PTK2B: variants seen among roughly 807,000 people sequenced by gnomAD.
PTK2B encodes the protein protein-tyrosine kinase 2-beta.
PTK2B carries 71 observed loss-of-function variants against 142.9 expected under a neutral mutation model. That is an observed-to-expected ratio of 0.50 (90% CI 0.41 to 0.61). The LOEUF is 0.61. PTK2B is among the 20% of genes least tolerant of loss of function. PTK2B has a pLI of 0.00. For missense variants in PTK2B, 1,105 were observed against 1,320.4 expected (o/e 0.84, Z 2.53); for synonymous variants, 519 against 503.4 (o/e 1.03, Z -0.42).
intron 1 of PTK2B, among the ~76,000 whole-genome samples, chr8:27,388,216 A>G (rs765280445): frequency 1.1e-4 from 17 of 152,194 alleles, no homozygotes; most frequent in African/African-American, 3.1e-4. Context: ...CATGGTACCA[A>G]ATTTCTCCGC....
Position 27,433,490 on chromosome 8 carries a change from T to C in PTK2B, c.1043T>C (p.Ile348Thr). 1 of 1,614,220 alleles carries C rather than the reference T, an allele frequency of 6.2e-7. No homozygotes were observed. The highest frequency in any genetic ancestry group is 8.5e-7 in the Non-Finnish European group (1 of 1,180,030). ...GAGGCTGAGAACATGGCTGACCTCA[T>C]AGACGGCTACTGCCGGCTGCAGGGT... is the stretch of plus-strand genomic sequence containing the variant. ...LAEAENMADL[I>T]DGYCRLQGEH... The change falls in exon 11 of 31, where the codon ATA becomes ACA. Residue 348 changes from isoleucine (I) to threonine (T), a missense_variant. Ile to Thr is a moderately conservative substitution (Grantham distance 89). Transcript: ENST00000346049.
At position 27,440,391 on chromosome 8, in the gene PTK2B, C is replaced by G; in HGVS notation, c.1989C>G (p.Asp663Glu). 1 of 1,614,202 alleles carries G rather than the reference C, an allele frequency of 6.2e-7. No individual in the cohort carries two copies. Among genetic ancestry groups the G allele is most frequent in the East Asian group, 2.2e-5 (1 of 44,882 alleles). Residue 663 changes from aspartate (D) to glutamate (E), a missense_variant, in exon 21 of 31, where the codon GAC becomes GAG. Coordinates refer to ENST00000346049, the MANE Select transcript of PTK2B (RefSeq NM_173176.3). ...VLYTLMTRCW[D>E]YDPSDRPRFT... ...ATACCCTCATGACCCGCTGCTGGGA[C>G]TACGACCCCAGTGACCGGCCCCGCT...
chr8:27,344,677 C>A (rs1586123564), intron 1 of PTK2B, among the ~76,000 whole-genome samples: 1 of 152,250 alleles, frequency 6.6e-6, no homozygotes, highest in East Asian at 1.9e-4. Flanking sequence ...AGCCCCTCAG[C>A]CTGGGGCTAT....
intron 24 of PTK2B, among the ~76,000 whole-genome samples, chr8:27,446,992 C>CTA (rs1180447142): frequency 6.6e-6 from 1 of 152,180 alleles, no homozygotes; most frequent in Non-Finnish European, 1.5e-5. Flanking sequence ...TAGGCATGTG[C>CTA]TATAATTTAG....
chr8:27,425,281 T>C (rs778925261), intron 5 of PTK2B, among the ~76,000 whole-genome samples: 3 of 151,896 alleles, frequency 2.0e-5, no homozygotes, highest in Non-Finnish European at 4.4e-5. Flanking sequence ...TATTGCATGC[T>C]ATACAATAGT....
At chr8:27,453,454 T>C (rs917348488) in intron 28 of PTK2B, among the ~76,000 whole-genome samples, 4 of 152,202 alleles carry the variant, frequency 2.6e-5, no homozygotes, top group Non-Finnish European at 5.9e-5. Flanking sequence ...TGCTTCCCTC[T>C]TCTGAGCCTC....
At chr8:27,400,342 T>G (rs573555765) in intron 2 of PTK2B, among the ~76,000 whole-genome samples, 14 of 152,200 alleles carry the variant, frequency 9.2e-5, no homozygotes, top group Middle Eastern at 3.4e-3. Flanking sequence ...ATAAACAATT[T>G]CTTATTTGCC....
Position 27,431,000 on chromosome 8 carries a change from A to T in PTK2B, c.794A>T (p.Tyr265Phe). 6.2e-7 allele frequency: 1 copy of T among 1,613,808 alleles called. No homozygotes were observed. Among genetic ancestry groups the T allele is most frequent in the African/African-American group, 1.3e-5 (1 of 75,054 alleles). The change falls in exon 8 of 31, where the codon TAC (tyrosine) becomes TTC (phenylalanine). Residue 265 changes from tyrosine (Y) to phenylalanine (F), a missense_variant. Transcript: ENST00000346049. The part of the protein sequence containing the change: ...AGFANIDQET[Y>F]RCELIQGWNI... ...TTCGCCAACATCGACCAGGAGACCT[A>T]CCGCTGTGAACTCATTGTAATGGCG...
intron 3 of PTK2B, among the ~76,000 whole-genome samples, chr8:27,317,555 T>C (rs1803120702): frequency 6.6e-6 from 1 of 152,268 alleles, no homozygotes; most frequent in Non-Finnish European, 1.5e-5. Flanking sequence ...GCTGTCATTG[T>C]AAATGGAATT....
chr8:27,393,314 G>A (rs143527602), intron 1 of PTK2B, among the ~76,000 whole-genome samples: 5 of 152,340 alleles, frequency 3.3e-5, no homozygotes, highest in Admixed American at 1.3e-4. Context: ...TGTTTCTGCT[G>A]CAAAGGGCTA....
rs79258567 is a variant in PTK2B, at chr8:27,395,665, T to C, written c.-37-1883T>C. Among the ~76,000 whole-genome samples the C allele has an allele frequency of 3.2e-3, 486 of 152,292 alleles. 10 individuals are homozygous for C. In the East Asian group the frequency reaches 0.036, roughly 11 times the overall value. On this transcript the variant is annotated intron_variant, in intron 1 of 30. Coordinates refer to ENST00000346049, the MANE Select transcript of PTK2B (RefSeq NM_173176.3). The stretch of plus-strand genomic sequence containing the variant: ...TGGAACAATGACTGTAAGAGTGGTG[T>C]ATAAATACCCCAGATCCCTCCCTCT...
intron 1 of PTK2B, among the ~76,000 whole-genome samples, chr8:27,375,413 A>G (rs1049961082): frequency 6.6e-5 from 10 of 152,180 alleles, no homozygotes; most frequent in Non-Finnish European, 1.5e-4. Flanking sequence ...CCTCTCTGGT[A>G]TCACCCTTCC....
At chr8:27,311,308 G>C (rs891052253), upstream of PTK2B, 2 of 1,426,086 alleles carry the variant, frequency 1.4e-6, no homozygotes, top group African/African-American at 2.9e-5. Context: ...GCCAACGCCC[G>C]CGACCCGAGT....
rs1563210671 is a variant in PTK2B at position 27,350,988 on chromosome 8, AAAATATATATAT to A, written c.-38+25309_-38+25320del. Among the ~76,000 whole-genome samples, 8 of 16,224 alleles carry A rather than the reference AAAATATATATAT, an allele frequency of 4.9e-4. 2 individuals carry two copies. Among genetic ancestry groups the A allele is most frequent in the Non-Finnish European group, 6.9e-4 (5 of 7,252 alleles). The allele number at this position is 16,224 out of a possible 152,430, so 10.6% of individuals were successfully genotyped here. On this transcript the variant is annotated intron_variant, in intron 1 of 30. Coordinates refer to ENST00000346049, the MANE Select transcript of PTK2B (RefSeq NM_173176.3). ...AAGTCTCCGTCTCAAAAAAAAAAAA[AAAATATATATAT>A]ATATATATATATATATATATATATA...
chr8:27,454,174 C>G lies in PTK2B; in HGVS notation c.2616C>G (p.Asn872Lys), dbSNP rs747438751. ...CTCAGTCCATCCAGCCCACAGCTAA[C>G]CTGGACCGGACTGATGACCTGGTGT... ...LGAQSIQPTA[N>K]LDRTDDLVYL... The change falls in exon 29 of 31, where the codon AAC becomes AAG. Residue 872 changes from asparagine to lysine, a missense_variant. Physicochemically the swap from Asn to Lys is moderately conservative, Grantham distance 94. Transcript: ENST00000346049. 3 of 1,614,170 alleles carry G rather than the reference C, an allele frequency of 1.9e-6. No homozygotes were observed. The highest frequency in any genetic ancestry group is 2.5e-6 in the Non-Finnish European group (3 of 1,180,016).
At chr8:27,432,756 G>T (rs1187931853) in intron 10 of PTK2B, among the ~76,000 whole-genome samples, 1 of 119,136 alleles carries the variant, frequency 8.4e-6, no homozygotes, top group Non-Finnish European at 1.8e-5. Context: ...CACCCAGAGA[G>T]ACCTCAGGCT....
At chr8:27,372,387 G>C (rs1466002069) in intron 1 of PTK2B, among the ~76,000 whole-genome samples, 1 of 152,220 alleles carries the variant, frequency 6.6e-6, no homozygotes, top group Non-Finnish European at 1.5e-5. Flanking sequence ...GTTTCAGTTT[G>C]ATTCTGAAGG....
At chr8:27,349,684 A>G (rs1163532538) in intron 1 of PTK2B, among the ~76,000 whole-genome samples, 1 of 152,270 alleles carries the variant, frequency 6.6e-6, no homozygotes, top group African/African-American at 2.4e-5. Context: ...AATAATATTC[A>G]TCAATATCCT....
In PTK2B at chr8:27,430,436, C is replaced by A; in HGVS notation, c.669+18C>A. The A allele has an allele frequency of 6.2e-7, 1 of 1,613,744 alleles. No individual in the cohort carries two copies. The highest frequency in any genetic ancestry group is 8.5e-7 in the Non-Finnish European group (1 of 1,179,694). On this transcript the variant is annotated intron_variant, in intron 7 of 30. Transcript: ENST00000346049. ...ACTTAAAGGTGAGGAAACCAATGGG[C>A]GAGGACCTCTTCGTGCTGATTCCCG...
Sources: allele counts gnomAD v4.1 joint callset (sites outside exome capture counted in the v4.1 genomes callset), GRCh38; gene constraint gnomAD v4.1.1; transcripts MANE v1.5; gene names NCBI Gene and HGNC (gene_info 2026-07-23, HGNC 2026-07-21).